Variants in SPAG16 observed in about 807,000 individuals in gnomAD.
The protein encoded by SPAG16 is sperm associated antigen 16.
SPAG16 carries 86 observed loss-of-function variants against 80.4 expected under a neutral mutation model. The observed-to-expected ratio is 1.07, with a 90% CI of 0.90 to 1.28. SPAG16 has a LOEUF of 1.28. Ranked by LOEUF, SPAG16 falls within the 50% of genes most tolerant of loss-of-function variation. SPAG16 has a pLI of 0.00. For missense variants in SPAG16, 870 were observed against 765.3 expected, an observed-to-expected ratio of 1.14 and a Z score of -1.61; for synonymous variants, 294 against 265.9, an observed-to-expected ratio of 1.11 and a Z score of -1.03.
chr2:213,873,742 G>T (rs150867769), intron 11 of SPAG16, among the ~76,000 whole-genome samples: 3 of 151,346 alleles, frequency 2.0e-5, no homozygotes, highest in Non-Finnish European at 2.9e-5. Flanking sequence ...TTTTTTGGCC[G>T]ATTGGCTATT....
At chr2:213,829,400 G>C (rs965235676) in intron 10 of SPAG16, among the ~76,000 whole-genome samples, 2 of 152,022 alleles carry the variant, frequency 1.3e-5, no homozygotes, top group Admixed American at 1.3e-4. Context: ...AGGGATGTGG[G>C]CTCCCTGTTG....
At chr2:213,548,017 A>G (rs1416515258) in intron 10 of SPAG16, among the ~76,000 whole-genome samples, 1 of 152,218 alleles carries the variant, frequency 6.6e-6, no homozygotes, top group Non-Finnish European at 1.5e-5. Context: ...TGCTACTGCA[A>G]TCAATGACCT....
At chr2:213,818,559 A>G (rs2072721487) in intron 10 of SPAG16, among the ~76,000 whole-genome samples, 1 of 152,062 alleles carries the variant, frequency 6.6e-6, no homozygotes, top group Non-Finnish European at 1.5e-5. Context: ...TTTTTTTACT[A>G]CTCATCTATT....
At chr2:214,192,448 T>C (rs1483941607) in intron 15 of SPAG16, among the ~76,000 whole-genome samples, 8 of 152,256 alleles carry the variant, frequency 5.3e-5, no homozygotes, top group Admixed American at 5.2e-4. Flanking sequence ...GTTTCTTCTA[T>C]GAAAGATTGG....
intron 9 of SPAG16, among the ~76,000 whole-genome samples, chr2:213,440,814 A>G (rs575607950): frequency 5.7e-4 from 87 of 152,350 alleles, no homozygotes; most frequent in Admixed American, 1.1e-3. Context: ...CATGAAAGGT[A>G]TATTAATATA....
At chr2:213,822,765 C>T (rs2073026425) in intron 10 of SPAG16, among the ~76,000 whole-genome samples, 1 of 152,074 alleles carries the variant, frequency 6.6e-6, no homozygotes, top group African/African-American at 2.4e-5. Flanking sequence ...GTGTATTGTT[C>T]CCTCTCTATG....
intron 9 of SPAG16, among the ~76,000 whole-genome samples, chr2:213,486,255 C>A (rs912719871): frequency 6.6e-6 from 1 of 152,116 alleles, no homozygotes; most frequent in Non-Finnish European, 1.5e-5. Flanking sequence ...TCAGTAACCA[C>A]CAATCAATTC....
At chr2:214,089,569 ATC>A (rs1246528609) in intron 13 of SPAG16, among the ~76,000 whole-genome samples, 1 of 151,680 alleles carries the variant, frequency 6.6e-6, no homozygotes, top group Non-Finnish European at 1.5e-5. Context: ...TTAAATTACC[ATC>A]TCTCACCGAT....
chr2:213,748,394 G>T (rs1033796813), intron 10 of SPAG16, among the ~76,000 whole-genome samples: 2 of 151,594 alleles, frequency 1.3e-5, no homozygotes, highest in Non-Finnish European at 2.9e-5. Context: ...TCTTTAAAAA[G>T]ATATAAGTAA....
chr2:213,576,765 TA>T (rs1277499569), intron 10 of SPAG16, among the ~76,000 whole-genome samples: 1 of 152,096 alleles, frequency 6.6e-6, no homozygotes, highest in Non-Finnish European at 1.5e-5. Flanking sequence ...ATGGGAGAAC[TA>T]AATGATAAGT....
intron 11 of SPAG16, among the ~76,000 whole-genome samples, chr2:213,892,946 A>C (rs1272138718): frequency 6.6e-6 from 1 of 152,156 alleles, no homozygotes; most frequent in Non-Finnish European, 1.5e-5. Context: ...TGTAAGTTAC[A>C]TCCAAGCACA....
chr2:214,255,253 T>C (rs778532133), intron 15 of SPAG16, among the ~76,000 whole-genome samples: 1 of 152,012 alleles, frequency 6.6e-6, no homozygotes, highest in Non-Finnish European at 1.5e-5. Context: ...GGGTCTTTCC[T>C]TCAGGGAACA....
chr2:213,374,559 A>T (rs72939043), intron 8 of SPAG16, among the ~76,000 whole-genome samples: 33,467 of 151,958 alleles, frequency 0.22, 4,541 homozygotes, highest in Non-Finnish European at 0.31. Context: ...TTTGAATATT[A>T]CCCTGTGTTT....
chr2:213,354,192 A>G (rs1165004664), intron 7 of SPAG16, among the ~76,000 whole-genome samples: 1 of 152,136 alleles, frequency 6.6e-6, no homozygotes, highest in Non-Finnish European at 1.5e-5. Flanking sequence ...AGCTTCATCC[A>G]TGTTCATGTC....
intron 9 of SPAG16, among the ~76,000 whole-genome samples, chr2:213,486,434 C>T (rs150075854): frequency 6.6e-6 from 1 of 152,066 alleles, no homozygotes; most frequent in African/African-American, 2.4e-5. Flanking sequence ...AACCTAAGTG[C>T]CCATGAAGGG....
At chr2:213,404,460 G>A (rs1035417239) in intron 9 of SPAG16, among the ~76,000 whole-genome samples, 1 of 152,116 alleles carries the variant, frequency 6.6e-6, no homozygotes, top group East Asian at 1.9e-4. Flanking sequence ...AATGGGGAAA[G>A]GATTCCCTAT....
chr2:213,584,523 A>G (rs1041358256), intron 10 of SPAG16, among the ~76,000 whole-genome samples: 1 of 152,098 alleles, frequency 6.6e-6, no homozygotes, highest in Non-Finnish European at 1.5e-5. Flanking sequence ...TCACTATTTG[A>G]TTGAGGTAGT....
At chr2:214,271,856 A>G (rs200996419) in intron 15 of SPAG16, among the ~76,000 whole-genome samples, 3,640 of 148,424 alleles carry the variant, frequency 0.025, 101 homozygotes, top group East Asian at 0.069. Context: ...CCCCCCCAAA[A>G]AAAAAGAAAG....
At chr2:213,742,683 C>T (rs912891201) in intron 10 of SPAG16, among the ~76,000 whole-genome samples, 1 of 151,000 alleles carries the variant, frequency 6.6e-6, no homozygotes, top group Non-Finnish European at 1.5e-5. Context: ...TCTCGAGTAG[C>T]TGGGATTACA....
Sources: allele counts gnomAD v4.1 joint callset (sites outside exome capture counted in the v4.1 genomes callset), GRCh38; gene constraint gnomAD v4.1.1; transcripts MANE v1.5; gene names NCBI Gene and HGNC (gene_info 2026-07-23, HGNC 2026-07-21).